AKR7A3: variants seen among roughly 807,000 people sequenced by gnomAD.
The protein encoded by AKR7A3 is AFB1 aldehyde reductase 2.
A neutral mutation model predicts 32.5 loss-of-function variants in AKR7A3; 37 were observed. That is an observed-to-expected ratio of 1.14 (90% CI 0.88 to 1.50). The LOEUF (loss-of-function observed/expected upper bound fraction) is 1.50, where lower values mean the gene tolerates loss of function less well. Ranked by LOEUF, AKR7A3 falls within the 40% of genes most tolerant of loss-of-function variation. AKR7A3 has a pLI of 0.00. For synonymous variants in AKR7A3, 177 were observed against 188.4 expected, an observed-to-expected ratio of 0.94 and a Z score of 0.50; for missense variants, 412 against 453.2, an observed-to-expected ratio of 0.91 and a Z score of 0.83.
chr1:19,284,065 C>G lies in AKR7A3; in HGVS notation c.765G>C (p.Ala255=), dbSNP rs146835084. 3.1e-6 allele frequency: 5 copies of G among 1,613,600 alleles called. No individual in the cohort carries two copies. The highest frequency in any genetic ancestry group is 4.2e-6 in the Non-Finnish European group (5 of 1,179,862). ...TCATGCTGGGGGCGCTGGCGCCATA[C>G]GCGGCCTGCAGGGCCTTCTCCACCA... ...IALVEKALQA[A]YGASAPSMTS... The change falls in exon 6 of 7, where the codon GCG becomes GCC. Residue 255 remains alanine (A), a synonymous_variant. Transcript: ENST00000361640.
At position 19,286,351 on chromosome 1, in the gene AKR7A3, A is replaced by T. The variant is rs771734452; in HGVS notation, c.236T>A (p.Ile79Asn). The T allele has an allele frequency of 8.7e-6, 14 of 1,613,690 alleles. No individual in the cohort carries two copies. The highest frequency in any genetic ancestry group is 1.1e-5 in the Non-Finnish European group (13 of 1,180,016). Residue 79 changes from isoleucine to asparagine, a missense_variant, in exon 2 of 7, where the codon ATT (isoleucine) becomes AAT (asparagine). Transcript: ENST00000361640. ...CTTCAGGGAGTTCCCAAACAGTGGA[A>T]TGGCCTTGGTATCAATTTTCACTGA... ...DCRVKIDTKA[I>N]PLFGNSLKPD...
rs912897653 is a variant in AKR7A3, at chr1:19,285,058, C to T, written c.564G>A (p.Arg188=). ...AGGCATAGAACCTCAGTCCAAAGTG[C>T]CTGAGGCAGGGGAAGAGCTCCGTTT... ...QVETELFPCL[R]HFGLRFYAFN... The change falls in exon 4 of 7, where the codon AGG becomes AGA. Residue 188 remains arginine (R), a synonymous_variant. Coordinates refer to ENST00000361640, the MANE Select transcript of AKR7A3 (RefSeq NM_012067.3). 1.9e-6 allele frequency: 3 copies of T among 1,613,336 alleles called. No individual in the cohort carries two copies.
the AKR7A3 span, among the ~76,000 whole-genome samples, chr1:19,276,312 G>C: frequency 7.4e-6 from 1 of 135,974 alleles, no homozygotes; most frequent in East Asian, 2.3e-4. Flanking sequence ...AGTGAGCCGA[G>C]ATTGCGCCAC....
chr1:19,277,904 C>T (rs189210993), downstream of AKR7A3, among the ~76,000 whole-genome samples: 1 of 152,066 alleles, frequency 6.6e-6, no homozygotes, highest in East Asian at 1.9e-4. Flanking sequence ...TTGCAAAATA[C>T]TATCCCATTC....
At chr1:19,283,959 G>A (rs779701218) in intron 6 of AKR7A3, 37 bp downstream of exon 6, 1 of 1,611,942 alleles carries the variant, frequency 6.2e-7, no homozygotes, top group Non-Finnish European at 8.5e-7. Flanking sequence ...GGTTCCCCTG[G>A]AAGGGAAGAA....
At chr1:19,275,778 C>T in the AKR7A3 span, among the ~76,000 whole-genome samples, 1 of 151,934 alleles carries the variant, frequency 6.6e-6, no homozygotes, top group South Asian at 2.1e-4. Flanking sequence ...ACACTCCAAC[C>T]TGGGCAGCAG....
At chr1:19,283,769 T>G (rs1292583276) in intron 6 of AKR7A3, among the ~76,000 whole-genome samples, 1 of 151,784 alleles carries the variant, frequency 6.6e-6, no homozygotes, top group East Asian at 1.9e-4. Flanking sequence ...AGGCAGAAGT[T>G]GCAGTGACCC....
chr1:19,274,281 G>A, the AKR7A3 span: 27 of 1,034,956 alleles, frequency 2.6e-5, no homozygotes, highest in East Asian at 3.2e-5. Context: ...CACTTGCACC[G>A]AGCAAGCAGC....
At chr1:19,278,266 A>G (rs977711524), downstream of AKR7A3, among the ~76,000 whole-genome samples, 1 of 151,768 alleles carries the variant, frequency 6.6e-6, no homozygotes, top group East Asian at 1.9e-4. Context: ...TTTTTTAAAA[A>G]CAACTGTATT....
At chr1:19,285,245 C>G (rs1296798452) in intron 3 of AKR7A3, 131 bp from the exon 4 acceptor site, 34 of 839,832 alleles carry the variant, frequency 4.0e-5, no homozygotes, top group Non-Finnish European at 1.9e-6. Context: ...TATACTTATT[C>G]TAACTGGTGC....
At chr1:19,284,231 G>A (rs1345086797) in intron 5 of AKR7A3, 106 bp from the exon 6 acceptor site, 8 of 1,446,982 alleles carry the variant, frequency 5.5e-6, no homozygotes, top group Non-Finnish European at 7.4e-6. Context: ...GCCCTGAGGG[G>A]CAGGTGTTCT....
rs778486074 is a variant in AKR7A3, at chr1:19,284,774, TC to T, written c.615del (p.Thr206ProfsTer58). The T allele has an allele frequency of 6.2e-7, 1 of 1,613,898 alleles. No homozygotes were observed. The highest frequency in any genetic ancestry group is 8.5e-7 in the Non-Finnish European group (1 of 1,179,990). On this transcript the variant is annotated frameshift_variant, in exon 5 of 7. Transcript: ENST00000361640. LOFTEE classifies it high-confidence loss of function. ...YAFNPLAGGL[L>X]TGKYKYEDKN... Reference sequence around the variant, plus strand: ...TTGTCCTCATACTTGTACTTGCCGGTCAGCAGGCCCCCTGAGGGAAAGCAGC... The same window carrying T: ...TTGTCCTCATACTTGTACTTGCCGGTAGCAGGCCCCCTGAGGGAAAGCAGC...
the AKR7A3 span, among the ~76,000 whole-genome samples, chr1:19,276,596 G>A: frequency 2.0e-5 from 3 of 151,446 alleles, no homozygotes; most frequent in East Asian, 1.9e-4. Flanking sequence ...GAGGTCAGGC[G>A]TTCCAGATCA....
chr1:19,286,108 G>A, intron 2 of AKR7A3, 77 bp downstream of exon 2: 31 of 1,591,576 alleles, frequency 1.9e-5, no homozygotes, highest in Non-Finnish European at 2.7e-5. Context: ...CAGCCCTGGT[G>A]CCTCTGCTCT....
At position 19,284,704 on chromosome 1, in the gene AKR7A3, G is replaced by A; in HGVS notation, c.686C>T (p.Ala229Val). 6.2e-7 allele frequency: 1 copy of A among 1,613,808 alleles called. No individual in the cohort carries two copies. The highest frequency in any genetic ancestry group is 8.5e-7 in the Non-Finnish European group (1 of 1,179,998). ...PVGRFFGNTW[A>V]EMYRNRYWKE... ...AGCTTACCGATTCCTGTACATCTCT[G>A]CCCAGGTATTCCCAAAGAAGCGGCC... is the stretch of plus-strand genomic sequence containing the variant. Residue 229 changes from alanine (A) to valine (V), a missense_variant, in exon 5 of 7, where the codon GCA becomes GTA. Ala to Val is a moderately conservative substitution (Grantham distance 64). Coordinates refer to ENST00000361640, the MANE Select transcript of AKR7A3 (RefSeq NM_012067.3).
downstream of AKR7A3, among the ~76,000 whole-genome samples, chr1:19,281,873 G>A (rs2093719356): frequency 6.6e-6 from 1 of 151,944 alleles, no homozygotes; most frequent in Admixed American, 6.5e-5. Context: ...GCGTGGGCCT[G>A]TTGCCCCTTT....
chr1:19,282,622 C>T lies in AKR7A3; in HGVS notation c.*109G>A. 6.5e-7 allele frequency: 1 copy of T among 1,548,840 alleles called. No individual in the cohort carries two copies. Among genetic ancestry groups the T allele is most frequent in the Non-Finnish European group, 8.8e-7 (1 of 1,140,080 alleles). ...GGTGACTCTTCTATTAGGTTTTTGT[C>T]CAAATACTTCCATCCCTAAGAATTT... On this transcript the variant is annotated 3_prime_UTR_variant, in exon 7 of 7. Transcript: ENST00000361640.
intron 1 of AKR7A3, among the ~76,000 whole-genome samples, chr1:19,287,964 TGTGA>T (rs1161695956): frequency 2.6e-5 from 4 of 152,102 alleles, no homozygotes; most frequent in African/African-American, 9.7e-5. Context: ...GAGGTGCCCT[TGTGA>T]GTACCACAAG....
At position 19,282,887 on chromosome 1, in the gene AKR7A3, G is replaced by T; in HGVS notation, c.840C>A (p.Ala280=). Residue 280 remains alanine (A), a synonymous_variant, in exon 7 of 7, where the codon GCC becomes GCA. Coordinates refer to ENST00000361640, the MANE Select transcript of AKR7A3 (RefSeq NM_012067.3). The part of the protein sequence containing the change: ...WMYHHSQLQG[A]HGDAVILGMS... Reference sequence around the variant, plus strand: ...TGCCCAGGATGACCGCGTCCCCGTGGGCACCCTGCAAGGGAGACGGCCAGA... The same window carrying T: ...TGCCCAGGATGACCGCGTCCCCGTGTGCACCCTGCAAGGGAGACGGCCAGA... The T allele has an allele frequency of 6.2e-7, 1 of 1,611,650 alleles. No individual in the cohort carries two copies.
Sources: allele counts gnomAD v4.1 joint callset (sites outside exome capture counted in the v4.1 genomes callset), GRCh38; gene constraint gnomAD v4.1.1; transcripts MANE v1.5; gene names NCBI Gene and HGNC (gene_info 2026-07-23, HGNC 2026-07-21).